SLC24A3: variants seen among roughly 807,000 people sequenced by gnomAD.
SLC24A3 encodes the protein sodium/potassium/calcium exchanger 3.
Under a neutral mutation model 75.8 loss-of-function variants are expected in SLC24A3, and 28 were observed. The observed-to-expected ratio is 0.37, with a 90% CI of 0.27 to 0.51. SLC24A3 has a LOEUF of 0.51. Ranked by LOEUF, SLC24A3 falls within the 20% of genes least tolerant of loss-of-function variation. SLC24A3 has a pLI of 0.94. For synonymous variants in SLC24A3, 372 were observed against 334.1 expected, an observed-to-expected ratio of 1.11 and a Z score of -1.24; for missense variants, 663 against 847.8, an observed-to-expected ratio of 0.78 and a Z score of 2.71.
chr20:19,248,426 C>G (rs1045305192), intron 1 of SLC24A3, among the ~76,000 whole-genome samples: 1 of 152,130 alleles, frequency 6.6e-6, no homozygotes, highest in Non-Finnish European at 1.5e-5. Context: ...TAAAAACTCT[C>G]TTAGTATTGG....
At chr20:19,633,671 G>A (rs796846406) in intron 6 of SLC24A3, among the ~76,000 whole-genome samples, 6,285 of 98,872 alleles carry the variant, frequency 0.064, 501 homozygotes, top group African/African-American at 0.19. Flanking sequence ...AAAAAAAAAA[G>A]AATGCCAGTA....
Position 19,645,615 on chromosome 20 carries a change from G to T in SLC24A3, c.613-8447G>T, listed in dbSNP as rs1033538277. ...GGCTCCACAGTGACACAAGTTGCCT[G>T]GTCTTCAGATTTTTCCAAGAGAAAC... is the stretch of plus-strand genomic sequence containing the variant. On this transcript the variant is annotated intron_variant, in intron 6 of 16. Transcript: ENST00000328041. Among the ~76,000 whole-genome samples, 5 of 152,160 alleles carry T rather than the reference G, an allele frequency of 3.3e-5. No individual in the cohort carries two copies. In the East Asian group the frequency reaches 9.7e-4, roughly 29 times the overall value.
chr20:19,642,140 G>A (rs1018494135), intron 6 of SLC24A3, among the ~76,000 whole-genome samples: 1 of 152,182 alleles, frequency 6.6e-6, no homozygotes, highest in African/African-American at 2.4e-5. Context: ...GTTAAATGTT[G>A]GCTCTTGCAG....
Position 19,584,933 on chromosome 20 carries a change from T to C in SLC24A3, c.424-38T>C, listed in dbSNP as rs202155734. On this transcript the variant is annotated intron_variant, in intron 4 of 16. Transcript: ENST00000328041. ...CAGTCACCTCTCTTCCGAGATGGAA[T>C]CCCAACTCACCTGTGCTTTGTCTTT... The C allele has an allele frequency of 9.5e-6, 15 of 1,580,414 alleles. No homozygotes were observed. In the Admixed American group the frequency reaches 1.0e-4, roughly 11 times the overall value.
chr20:19,401,146 C>G (rs1424704784), intron 2 of SLC24A3, among the ~76,000 whole-genome samples: 1 of 152,138 alleles, frequency 6.6e-6, no homozygotes, highest in Non-Finnish European at 1.5e-5. Flanking sequence ...GTCCCAATTG[C>G]TCTTCCTGAG....
chr20:19,696,895 C>T lies in SLC24A3; in HGVS notation c.1590C>T (p.Leu530=), dbSNP rs779131746. The T allele has an allele frequency of 6.6e-5, 104 of 1,567,282 alleles. No homozygotes were observed. Among genetic ancestry groups the T allele is most frequent in the Non-Finnish European group, 8.2e-5 (95 of 1,155,956 alleles). The change falls in exon 14 of 17, where the codon CTC becomes CTT. Residue 530 remains leucine, a synonymous_variant. Transcript: ENST00000328041. The part of the protein sequence containing the change: ...GTSVPDCMAS[L]IVARQGMGDM... ...GCGTGCCTGACTGCATGGCCAGCCT[C>T]ATTGTGGCCAGACAAGGTGGGACTT...
intron 2 of SLC24A3, among the ~76,000 whole-genome samples, chr20:19,354,158 G>T (rs1275719313): frequency 6.6e-6 from 1 of 152,086 alleles, no homozygotes; most frequent in Non-Finnish European, 1.5e-5. Context: ...CCGCATGAAC[G>T]GACCTCACAG....
intron 4 of SLC24A3, among the ~76,000 whole-genome samples, chr20:19,583,150 G>C (rs986640152): frequency 3.9e-5 from 6 of 152,156 alleles, no homozygotes; most frequent in African/African-American, 1.4e-4. Context: ...TATCCACAGG[G>C]GGCTGGAGGA....
At chr20:19,653,531 T>C (rs1262938264) in intron 6 of SLC24A3, among the ~76,000 whole-genome samples, 1 of 152,236 alleles carries the variant, frequency 6.6e-6, no homozygotes, top group Non-Finnish European at 1.5e-5. Flanking sequence ...CACATGTTGC[T>C]CACTCCACGG....
chr20:19,358,528 G>A (rs1193437211), intron 2 of SLC24A3, among the ~76,000 whole-genome samples: 1 of 152,112 alleles, frequency 6.6e-6, no homozygotes, highest in Non-Finnish European at 1.5e-5. Flanking sequence ...GTATTTTTAA[G>A]GCCCCTTCCA....
chr20:19,676,838 G>A (rs2122732671), intron 9 of SLC24A3, among the ~76,000 whole-genome samples: 1 of 152,344 alleles, frequency 6.6e-6, no homozygotes, highest in East Asian at 1.9e-4. Flanking sequence ...TGGGGTATGT[G>A]TGCTGGTGGT....
At chr20:19,717,058 G>T (rs2033053075) in intron 15 of SLC24A3, among the ~76,000 whole-genome samples, 1 of 152,240 alleles carries the variant, frequency 6.6e-6, no homozygotes, top group Non-Finnish European at 1.5e-5. Context: ...CAAGTTAGGG[G>T]AAGGACAGAG....
chr20:19,599,101 A>G (rs1045842289), intron 6 of SLC24A3, among the ~76,000 whole-genome samples: 9 of 152,160 alleles, frequency 5.9e-5, no homozygotes, highest in African/African-American at 1.4e-4. Flanking sequence ...TTCATTGTAC[A>G]TATGAGAAAA....
At chr20:19,475,032 A>C (rs1218615153) in intron 2 of SLC24A3, among the ~76,000 whole-genome samples, 1 of 152,100 alleles carries the variant, frequency 6.6e-6, no homozygotes, top group Non-Finnish European at 1.5e-5. Flanking sequence ...CAGGAAATAC[A>C]CACGCCCCAT....
intron 2 of SLC24A3, among the ~76,000 whole-genome samples, chr20:19,323,825 G>A (rs1282945537): frequency 1.3e-5 from 2 of 152,168 alleles, no homozygotes; most frequent in Non-Finnish European, 1.5e-5. Flanking sequence ...CTGGAAAATT[G>A]TTCCTTTCCA....
intron 6 of SLC24A3, among the ~76,000 whole-genome samples, chr20:19,621,484 A>T (rs1423909282): frequency 6.6e-6 from 1 of 152,138 alleles, no homozygotes; most frequent in Non-Finnish European, 1.5e-5. Flanking sequence ...TCTTGGTTAG[A>T]GTGTGTTGGT....
chr20:19,634,780 T>G (rs1306984848), intron 6 of SLC24A3, among the ~76,000 whole-genome samples: 2 of 152,062 alleles, frequency 1.3e-5, no homozygotes, highest in Admixed American at 6.5e-5. Context: ...GGGGGACACT[T>G]TTCTGTGTGG....
chr20:19,319,964 C>T (rs984900235), intron 2 of SLC24A3, among the ~76,000 whole-genome samples: 5 of 152,176 alleles, frequency 3.3e-5, no homozygotes, highest in African/African-American at 1.2e-4. Context: ...AGAGCTTCCT[C>T]CTAAAACTCC....
At chr20:19,519,644 A>G (rs2030065114) in intron 3 of SLC24A3, among the ~76,000 whole-genome samples, 1 of 152,234 alleles carries the variant, frequency 6.6e-6, no homozygotes, top group African/African-American at 2.4e-5. Context: ...ATCTATTATA[A>G]CATTGAAACA....
Sources: allele counts gnomAD v4.1 joint callset (sites outside exome capture counted in the v4.1 genomes callset), GRCh38; gene constraint gnomAD v4.1.1; transcripts MANE v1.5; gene names NCBI Gene and HGNC (gene_info 2026-07-23, HGNC 2026-07-21).